HUWE1: variants seen among roughly 807,000 people sequenced by gnomAD.
HUWE1 encodes the protein HECT, UBA and WWE domain containing E3 ubiquitin protein ligase 1.
HUWE1 carries 18 observed loss-of-function variants against 299.4 expected under a neutral mutation model. The ratio of observed to expected loss-of-function variants is 0.06; its 90% CI spans 0.04 to 0.09. HUWE1 has a LOEUF of 0.09. HUWE1 is among the 10% of genes least tolerant of loss of function. The pLI is 1.00. For missense variants in HUWE1, 1,832 were observed against 3,462.3 expected, an observed-to-expected ratio of 0.53 and a Z score of 11.82; for synonymous variants, 1,317 against 1,286.1, an observed-to-expected ratio of 1.02 and a Z score of -0.51.
intron 49 of HUWE1, among the ~76,000 whole-genome samples, chrX:53,566,458 A>G (rs72620327): frequency 2.2e-3 from 238 of 108,929 alleles, no homozygotes; most frequent in East Asian, 0.015. Context: ...AAAAATGGGG[A>G]AAAAAAATTA....
At chrX:53,559,992 T>C (rs2062212674) in intron 56 of HUWE1, among the ~76,000 whole-genome samples, 196 bp downstream of exon 56, 1 of 112,379 alleles carries the variant, frequency 8.9e-6, no homozygotes, top group South Asian at 3.7e-4. Flanking sequence ...TTGACATAAT[T>C]TGGTATTCCC....
chrX:53,604,925 A>T, intron 25 of HUWE1, 91 bp from the exon 26 acceptor site: 1 of 936,666 alleles, frequency 1.1e-6, no homozygotes, highest in Non-Finnish European at 1.5e-6. Flanking sequence ...TGACAATTAA[A>T]TGGAAGCCTC....
At chrX:53,571,193 A>C (rs782061418) in intron 47 of HUWE1, among the ~76,000 whole-genome samples, 1 of 112,320 alleles carries the variant, frequency 8.9e-6, no homozygotes, top group African/African-American at 3.2e-5. Flanking sequence ...ACCAGTACCC[A>C]GTACTGGTAG....
At position 53,631,609 on chromosome X, in the gene HUWE1, AGTT is replaced by A. The variant is rs782647260; in HGVS notation, c.648_650del (p.Thr217del). The A allele has an allele frequency of 4.2e-6, 5 of 1,185,724 alleles. No individual in the cohort carries two copies. Among genetic ancestry groups the A allele is most frequent in the Non-Finnish European group, 5.7e-6 (5 of 872,657 alleles). On this transcript the variant is annotated inframe_deletion and splice_region_variant, in exon 10 of 84. Transcript: ENST00000262854. The stretch of plus-strand genomic sequence containing the variant: ...TGTGAATATAATGTAGTGTGTTACT[AGTT>A]GTCTAAAATTAAAAAAGACAAGAGA...
intron 43 of HUWE1, among the ~76,000 whole-genome samples, chrX:53,578,219 G>A (rs1440717762): frequency 9.7e-6 from 1 of 102,805 alleles, no homozygotes; most frequent in Non-Finnish European, 2.0e-5. Context: ...CCGCAACCCT[G>A]TCTGGGAGGT....
At chrX:53,548,889 G>T in intron 67 of HUWE1, 70 bp downstream of exon 67, 1 of 947,349 alleles carries the variant, frequency 1.1e-6, no homozygotes, top group African/African-American at 1.9e-5. Flanking sequence ...CCTGCTTAGT[G>T]TTCAACTTTC....
At chrX:53,536,295 G>C in intron 79 of HUWE1, 43 bp from the exon 80 acceptor site, 1 of 1,147,875 alleles carries the variant, frequency 8.7e-7, no homozygotes, top group South Asian at 1.8e-5. Flanking sequence ...TGCGAGTGGG[G>C]GGGAAGAAGG....
chrX:53,672,874 T>C (rs1557049895), intron 3 of HUWE1, among the ~76,000 whole-genome samples: 1 of 112,067 alleles, frequency 8.9e-6, no homozygotes, highest in African/African-American at 3.2e-5. Context: ...AGATACTGCA[T>C]ACCAAAATGT....
At chrX:53,543,807 C>A (rs1226028266) in intron 73 of HUWE1, 34 bp downstream of exon 73, 2 of 1,209,262 alleles carry the variant, frequency 1.7e-6, no homozygotes, top group African/African-American at 1.7e-5. Context: ...AGTGGAGAGA[C>A]AAATGAATGA....
intron 12 of HUWE1, among the ~76,000 whole-genome samples, chrX:53,630,518 T>C (rs1049223285): frequency 1.8e-5 from 2 of 110,948 alleles, no homozygotes; most frequent in East Asian, 2.8e-4. Context: ...CATTTTACTG[T>C]GCCACAGTAA....
intron 55 of HUWE1, among the ~76,000 whole-genome samples, chrX:53,561,035 T>C (rs149421103): frequency 8.3e-4 from 93 of 112,232 alleles, no homozygotes; most frequent in African/African-American, 2.9e-3. Context: ...AAAATAATCA[T>C]AGATGTTATC....
intron 43 of HUWE1, 83 bp downstream of exon 43, chrX:53,580,748 T>C (rs1556966418): frequency 2.1e-6 from 2 of 975,269 alleles, no homozygotes; most frequent in East Asian, 6.3e-5. Context: ...CTCTTCAAGT[T>C]ACAGACCTCC....
intron 12 of HUWE1, among the ~76,000 whole-genome samples, chrX:53,629,852 A>G (rs1487117975): frequency 5.3e-5 from 6 of 112,489 alleles, no homozygotes; most frequent in Non-Finnish European, 1.1e-4. Context: ...GTCTTGAGAA[A>G]GAATTTTGGG....
At chrX:53,661,035 T>TA (rs1491296747) in intron 3 of HUWE1, among the ~76,000 whole-genome samples, 4 of 88,913 alleles carry the variant, frequency 4.5e-5, no homozygotes, top group Non-Finnish European at 8.5e-5. Context: ...TGCGATTCAC[T>TA]TTTTTTTTTT....
intron 49 of HUWE1, among the ~76,000 whole-genome samples, chrX:53,566,775 G>A (rs1191862755): frequency 8.9e-6 from 1 of 111,811 alleles, no homozygotes; most frequent in Non-Finnish European, 1.9e-5. Context: ...CGTGATGTGA[G>A]AAGGGCAAAT....
rs181550223 is a variant in HUWE1 at position 53,552,913 on chromosome X, A to G, written c.8495-20T>C. On this transcript the variant is annotated intron_variant, in intron 61 of 83. Transcript: ENST00000262854. ...GTGAGGCTAGGAAGAAGTTGCAGGG[A>G]GAGGTTAGGTTTCTATCTGGAACCG... 1.0e-3 allele frequency: 1,247 copies of G among 1,209,157 alleles called. 12 individuals carry two copies. In the African/African-American group the frequency reaches 0.019, roughly 19 times the overall value.
intron 23 of HUWE1, among the ~76,000 whole-genome samples, chrX:53,609,146 A>G (rs1191074537): frequency 1.8e-5 from 2 of 111,361 alleles, no homozygotes; most frequent in Admixed American, 1.9e-4. Flanking sequence ...AGACTCATAT[A>G]CCGCAGGAAA....
chrX:53,560,129 A>T, intron 56 of HUWE1, 59 bp downstream of exon 56: 1 of 968,060 alleles, frequency 1.0e-6, no homozygotes, highest in Non-Finnish European at 1.4e-6. Context: ...GACAATGCTA[A>T]AGCACAGTGA....
chrX:53,575,930 G>A, intron 44 of HUWE1, 142 bp from the exon 45 acceptor site: 2 of 609,522 alleles, frequency 3.3e-6, no homozygotes, highest in Admixed American at 6.5e-5. Flanking sequence ...GATAATGTTA[G>A]AGTGCCTCAC....
Sources: gnomAD v4.1 joint callset for allele counts (sites outside exome capture counted in the v4.1 genomes callset) on GRCh38, gnomAD v4.1.1 for gene constraint, MANE v1.5 for transcripts, NCBI Gene and HGNC (gene_info 2026-07-23, HGNC 2026-07-21) for gene names.